Variants in JUP observed in about 807,000 individuals in gnomAD.
The protein encoded by JUP is junction plakoglobin, also known as catenin (cadherin-associated protein), gamma 80kDa.
In JUP, 28 loss-of-function variants were observed where a neutral mutation model predicts 71.1. The observed-to-expected ratio is 0.39, with a 90% CI of 0.29 to 0.54. The LOEUF (loss-of-function observed/expected upper bound fraction) is 0.54. JUP is among the 20% of genes least tolerant of loss of function. The probability of loss-of-function intolerance (pLI) is 0.62; values close to 1 mark genes in which losing one functional copy is unlikely to be tolerated. For synonymous variants in JUP, 401 were observed against 438.9 expected, an observed-to-expected ratio of 0.91 and a Z score of 1.08; for missense variants, 869 against 1,030.1, an observed-to-expected ratio of 0.84 and a Z score of 2.14.
chr17:41,783,893 C>CAAAA (rs35672991), intron 1 of JUP, among the ~76,000 whole-genome samples: 277 of 80,850 alleles, frequency 3.4e-3, no homozygotes, highest in Non-Finnish European at 4.8e-3. Context: ...GACTCCATCT[C>CAAAA]AAAAAAAAAA....
In JUP at chr17:41,758,467, T is replaced by A. The variant is rs370101446; in HGVS notation, c.1705A>T (p.Ile569Phe). Reference protein sequence around the residue: ...IVEGCTGALHILARDPMNRME... With the variant: ...IVEGCTGALHFLARDPMNRME... ...CGGTTCATGGGGTCCCGGGCGAGGA[T>A]GTGCAGTGCTCCGGTGCAGCCCTCC... Residue 569 changes from isoleucine to phenylalanine, a missense_variant, in exon 10 of 14, where the codon ATC becomes TTC. By Grantham distance (21) the Ile-to-Phe change is conservative. Transcript: ENST00000393931. The A allele has an allele frequency of 6.2e-6, 10 of 1,614,132 alleles. No homozygotes were observed. The highest frequency in any genetic ancestry group is 8.5e-6 in the Non-Finnish European group (10 of 1,180,000).
At chr17:41,773,614 C>T (rs539055544) in intron 1 of JUP, among the ~76,000 whole-genome samples, 6 of 152,188 alleles carry the variant, frequency 3.9e-5, no homozygotes, top group South Asian at 2.1e-4. Flanking sequence ...CCTTTCCACA[C>T]GCACCCCTTC....
intron 1 of JUP, among the ~76,000 whole-genome samples, chr17:41,780,947 G>A (rs1171950643): frequency 3.3e-5 from 5 of 152,070 alleles, no homozygotes; most frequent in African/African-American, 9.7e-5. Context: ...TTGGGAGGCC[G>A]AGGCGGGTGG....
At chr17:41,772,925 G>C in intron 1 of JUP, 1 of 985,494 alleles carries the variant, frequency 1.0e-6, no homozygotes, top group Non-Finnish European at 1.2e-6. Context: ...AGAGGTCAGA[G>C]GCTGCGGGGA....
At chr17:41,765,454 C>A (rs1555603688) in intron 5 of JUP, among the ~76,000 whole-genome samples, 2 of 152,042 alleles carry the variant, frequency 1.3e-5, no homozygotes, top group Non-Finnish European at 2.9e-5. Flanking sequence ...CGGGTTCAAG[C>A]AATTCTCATG....
chr17:41,755,768 G>T lies in JUP; in HGVS notation c.2214C>A (p.Pro738=), dbSNP rs781848758. ...CCTAGGCCAGCATGTGGTCTGCAGT[G>T]GGGTACGGGGGCCTGAGGCCGTCGC... The part of the protein sequence containing the change: ...TYSDGLRPPY[P]TADHMLA Residue 738 remains proline, a synonymous_variant, in exon 14 of 14, where the codon CCC becomes CCA. Transcript: ENST00000393931. The T allele has an allele frequency of 3.7e-6, 6 of 1,606,604 alleles. No individual in the cohort carries two copies. The Admixed American group carries it at 8.4e-5, about 22-fold the overall frequency.
chr17:41,786,338 G>C (rs1265022426), intron 1 of JUP: 1 of 152,116 alleles, frequency 6.6e-6, no homozygotes, highest in Non-Finnish European at 1.5e-5. Flanking sequence ...GCGCGACCCC[G>C]GAGGCACCTG....
intron 1 of JUP, among the ~76,000 whole-genome samples, chr17:41,780,648 C>T (rs1253973110): frequency 3.2e-4 from 48 of 151,200 alleles, no homozygotes; most frequent in Non-Finnish European, 5.6e-4. Flanking sequence ...TGAGCCAAGA[C>T]TGCACTACTG....
intron 1 of JUP, among the ~76,000 whole-genome samples, chr17:41,776,701 T>C (rs2143811731): frequency 6.6e-6 from 1 of 152,160 alleles, no homozygotes; most frequent in South Asian, 2.1e-4. Context: ...AGCGAGACCG[T>C]GTCTCAAAAC....
intron 10 of JUP, chr17:41,758,151 G>T: frequency 1.8e-6 from 1 of 543,598 alleles, no homozygotes; most frequent in Non-Finnish European, 3.2e-6. Flanking sequence ...TGTTTATATG[G>T]TTGAATCTCA....
At chr17:41,764,216 T>C (rs1915320917) in intron 7 of JUP, among the ~76,000 whole-genome samples, 1 of 152,178 alleles carries the variant, frequency 6.6e-6, no homozygotes, top group Admixed American at 6.5e-5. Context: ...TGGTACACTA[T>C]TGCTCCAGCC....
At chr17:41,761,267 G>A (rs1417615275) in intron 8 of JUP, among the ~76,000 whole-genome samples, 4 of 152,122 alleles carry the variant, frequency 2.6e-5, no homozygotes, top group Non-Finnish European at 4.4e-5. Context: ...CAGGACACAC[G>A]GCCATCTGGC....
chr17:41,767,766 C>T (rs534885136), intron 4 of JUP, among the ~76,000 whole-genome samples, 186 bp from the exon 5 acceptor site: 1 of 152,236 alleles, frequency 6.6e-6, no homozygotes, highest in Non-Finnish European at 1.5e-5. Context: ...GCAAACAGCA[C>T]CTCTCTTCTC....
chr17:41,777,573 T>G (rs945642724), intron 1 of JUP, among the ~76,000 whole-genome samples: 5 of 152,192 alleles, frequency 3.3e-5, no homozygotes, highest in African/African-American at 9.7e-5. Context: ...GTGGTCTCCA[T>G]CAGCAAGCTG....
At chr17:41,757,864 C>T in intron 10 of JUP, 80 bp from the exon 11 acceptor site, 1 of 1,187,140 alleles carries the variant, frequency 8.4e-7, no homozygotes, top group Admixed American at 2.4e-5. Context: ...ACAGCACTGC[C>T]CACCTCCACC....
At chr17:41,771,006 T>C (rs1165320819) in intron 2 of JUP, among the ~76,000 whole-genome samples, 1 of 152,202 alleles carries the variant, frequency 6.6e-6, no homozygotes, top group Non-Finnish European at 1.5e-5. Context: ...CTGAGAGCCA[T>C]AGTGATACAT....
intron 1 of JUP, chr17:41,775,899 G>A: frequency 1.1e-6 from 1 of 879,836 alleles, no homozygotes; most frequent in Non-Finnish European, 1.4e-6. Context: ...CCAGAGGGCT[G>A]GCACCGGGCA....
chr17:41,759,283 C>T (rs1914413202), intron 8 of JUP, among the ~76,000 whole-genome samples: 1 of 152,104 alleles, frequency 6.6e-6, no homozygotes, highest in South Asian at 2.1e-4. Context: ...CCATGTTGGG[C>T]AGGCTGGCCT....
chr17:41,774,962 G>A (rs1555608207), intron 1 of JUP, among the ~76,000 whole-genome samples: 1 of 152,026 alleles, frequency 6.6e-6, no homozygotes, highest in East Asian at 1.9e-4. Flanking sequence ...AATTAGCCAG[G>A]CATGGTGGTG....
Sources: gnomAD v4.1 joint callset for allele counts (sites outside exome capture counted in the v4.1 genomes callset) on GRCh38, gnomAD v4.1.1 for gene constraint, MANE v1.5 for transcripts, NCBI Gene and HGNC (gene_info 2026-07-23, HGNC 2026-07-21) for gene names.